The following CA8 variants were observed in gnomAD, a reference collection of about 807,000 sequenced individuals.
CA8 encodes the protein carbonic anhydrase 8 (inactive).
A neutral mutation model predicts 41.4 loss-of-function variants in CA8; 22 were observed. The ratio of observed to expected loss-of-function variants is 0.53; its 90% confidence interval spans 0.38 to 0.76. The LOEUF (loss-of-function observed/expected upper bound fraction) is 0.76. CA8 is among the 30% of genes least tolerant of loss of function. The pLI is 0.00. For synonymous variants in CA8, 121 were observed against 130.6 expected (o/e 0.93, Z 0.50); for missense variants, 270 against 352.8 (o/e 0.77, Z 1.88).
In CA8 at chr8:60,281,244, G is replaced by A; in HGVS notation, c.-97C>T. ...CGGAGCGGAGCGCGCGTGGGGGAGT[G>A]TGAGCACGCGTGAGCGGCAGTGTGA... On this transcript the variant is annotated 5_prime_UTR_variant, in exon 1 of 9. Transcript: ENST00000317995. 8.8e-6 allele frequency: 7 copies of A among 799,044 alleles called. No individual in the cohort carries two copies. The highest frequency in any genetic ancestry group is 7.5e-5 in the South Asian group (5 of 66,756). The allele number at this position is 799,044 out of a possible 1,614,324, so 49.5% of individuals were successfully genotyped here. A position where few individuals can be genotyped will look rare whatever the true frequency, so the allele number is the denominator to read the frequency against.
intron 8 of CA8, among the ~76,000 whole-genome samples, chr8:60,203,225 C>T (rs1056314023): frequency 6.6e-6 from 1 of 151,838 alleles, no homozygotes; most frequent in African/African-American, 2.4e-5. Flanking sequence ...CCAAAAAAGG[C>T]AGACAGCTAA....
chr8:60,201,761 A>T (rs920023541), intron 8 of CA8, among the ~76,000 whole-genome samples: 5 of 140,668 alleles, frequency 3.6e-5, no homozygotes, highest in Non-Finnish European at 6.1e-5. Context: ...TAATTGACAA[A>T]TATTTATTTG....
intron 3 of CA8, among the ~76,000 whole-genome samples, chr8:60,233,214 T>C (rs1427802066): frequency 6.6e-6 from 1 of 152,236 alleles, no homozygotes; most frequent in Non-Finnish European, 1.5e-5. Flanking sequence ...TTCATCGTTA[T>C]AATTACTTAC....
At chr8:60,206,339 CTG>C (rs140184676) in intron 8 of CA8, among the ~76,000 whole-genome samples, 4 of 151,592 alleles carry the variant, frequency 2.6e-5, no homozygotes, top group East Asian at 3.9e-4. Flanking sequence ...CAACATTTCT[CTG>C]TGTGTGTGTG....
At chr8:60,267,895 C>G (rs1455850498) in intron 2 of CA8, among the ~76,000 whole-genome samples, 3 of 152,160 alleles carry the variant, frequency 2.0e-5, no homozygotes, top group Non-Finnish European at 2.9e-5. Flanking sequence ...ACTTCACCTT[C>G]CTCTTCAATA....
intron 3 of CA8, among the ~76,000 whole-genome samples, chr8:60,254,357 A>G (rs1018653001): frequency 7.9e-5 from 12 of 152,184 alleles, no homozygotes; most frequent in African/African-American, 2.9e-4. Flanking sequence ...GTGACAGACC[A>G]TGGCCAACGG....
intron 3 of CA8, among the ~76,000 whole-genome samples, chr8:60,257,820 T>C (rs1803596130): frequency 6.6e-6 from 1 of 152,218 alleles, no homozygotes; most frequent in Non-Finnish European, 1.5e-5. Context: ...TCTCAAACAA[T>C]GTATTTGCAT....
At chr8:60,190,943 TA>T (rs1806105024) in intron 8 of CA8, among the ~76,000 whole-genome samples, 1 of 125,906 alleles carries the variant, frequency 7.9e-6, no homozygotes, top group Non-Finnish European at 1.7e-5. Context: ...ACACACTATA[TA>T]TATATATATA....
chr8:60,222,151 A>G (rs1807273115), intron 7 of CA8, among the ~76,000 whole-genome samples: 1 of 152,208 alleles, frequency 6.6e-6, no homozygotes, highest in Admixed American at 6.5e-5. Context: ...TAGGGCACCT[A>G]TGAAGAGCCC....
chr8:60,206,542 C>T (rs1307783392), intron 8 of CA8, among the ~76,000 whole-genome samples: 1 of 152,122 alleles, frequency 6.6e-6, no homozygotes, highest in African/African-American at 2.4e-5. Flanking sequence ...TGGAGAAATG[C>T]ATAAATTCAC....
chr8:60,244,513 G>C (rs905048963), intron 3 of CA8, among the ~76,000 whole-genome samples: 1 of 152,160 alleles, frequency 6.6e-6, no homozygotes, highest in African/African-American at 2.4e-5. Context: ...AACAATTAGA[G>C]TAATAAGCTC....
intron 3 of CA8, among the ~76,000 whole-genome samples, chr8:60,246,362 G>A (rs1177453797): frequency 1.3e-5 from 2 of 151,896 alleles, no homozygotes; most frequent in African/African-American, 2.4e-5. Context: ...GCATGATCTC[G>A]GCTCACTGTA....
intron 8 of CA8, among the ~76,000 whole-genome samples, chr8:60,194,692 C>T (rs559158786): frequency 2.6e-5 from 4 of 152,166 alleles, no homozygotes; most frequent in Non-Finnish European, 5.9e-5. Context: ...CAGATGATGT[C>T]TGTTGCCACC....
chr8:60,192,847 T>C (rs536840177), intron 8 of CA8, among the ~76,000 whole-genome samples: 1 of 152,124 alleles, frequency 6.6e-6, no homozygotes, highest in East Asian at 1.9e-4. Context: ...CATGATTGTA[T>C]TGCTACCTTT....
chr8:60,202,378 C>CAAA (rs1203244794), intron 8 of CA8, among the ~76,000 whole-genome samples: 3 of 151,810 alleles, frequency 2.0e-5, no homozygotes, highest in African/African-American at 7.3e-5. Context: ...TTGATAAAAT[C>CAAA]TTCAAAAAGC....
At chr8:60,222,499 T>G in intron 7 of CA8, 150 bp downstream of exon 7, 1 of 680,968 alleles carries the variant, frequency 1.5e-6, no homozygotes, top group Non-Finnish European at 2.7e-6. Flanking sequence ...GACCTTTCAA[T>G]CACTTTCACT....
intron 8 of CA8, among the ~76,000 whole-genome samples, chr8:60,198,215 G>T (rs562205360): frequency 6.6e-6 from 1 of 152,084 alleles, no homozygotes; most frequent in African/African-American, 2.4e-5. Flanking sequence ...GTTACTCAAC[G>T]CATCTCAGCC....
intron 8 of CA8, among the ~76,000 whole-genome samples, chr8:60,193,032 TA>T (rs1159654839): frequency 1.3e-5 from 2 of 151,746 alleles, no homozygotes; most frequent in African/African-American, 4.8e-5. Context: ...CAAATATGGC[TA>T]TATAGTAAAT....
intron 6 of CA8, among the ~76,000 whole-genome samples, chr8:60,223,780 T>A (rs1387256673): frequency 6.6e-6 from 1 of 152,190 alleles, no homozygotes; most frequent in African/African-American, 2.4e-5. Context: ...TGTAGAGCAA[T>A]TAAATGTAGA....
Sources: gnomAD v4.1 joint callset for allele counts (sites outside exome capture counted in the v4.1 genomes callset) on GRCh38, gnomAD v4.1.1 for gene constraint, MANE v1.5 for transcripts, NCBI Gene and HGNC (gene_info 2026-07-23, HGNC 2026-07-21) for gene names.